The following TFG variants were observed in gnomAD, a reference collection of about 807,000 sequenced individuals.
TFG encodes protein TFG.
TFG carries 22 observed loss-of-function variants against 51.4 expected under a neutral mutation model. The ratio of observed to expected loss-of-function variants is 0.43; its 90% CI spans 0.31 to 0.61. TFG has a LOEUF of 0.61. Ranked by LOEUF, TFG falls within the 20% of genes least tolerant of loss-of-function variation. The probability of loss-of-function intolerance (pLI) is 0.12; values close to 1 mark genes in which losing one functional copy is unlikely to be tolerated. For synonymous variants in TFG, 187 were observed against 165.6 expected (o/e 1.13, Z -0.99); for missense variants, 419 against 487.7 (o/e 0.86, Z 1.33).
rs577420420 is a variant in TFG at position 100,720,750 on chromosome 3, T to G, written c.268+692T>G. Among the ~76,000 whole-genome samples the G allele has an allele frequency of 2.6e-5, 4 of 152,328 alleles. No homozygotes were observed. The South Asian group carries it at 8.3e-4, about 32-fold the overall frequency. On this transcript the variant is annotated intron_variant, in intron 3 of 7. Transcript: ENST00000240851. ...ACTTAAAGATTAAAAATAGTTCTGA[T>G]AAAAACCAATAGAAGACTAATTTTA...
chr3:100,720,015 C>G lies in TFG; in HGVS notation c.225C>G (p.Ser75=), dbSNP rs747353898. The stretch of plus-strand genomic sequence containing the variant: ...CAATTTTTGATAGTTCTGACCTTTC[C>G]TTTGCAATTCAGTGCAGTAGGATAC... ...LITIFDSSDL[S]FAIQCSRILK... is the part of the protein sequence containing the mutation. The change falls in exon 3 of 8, where the codon TCC becomes TCG. Residue 75 remains serine, a synonymous_variant. Coordinates refer to ENST00000240851, the MANE Select transcript of TFG (RefSeq NM_006070.6). The G allele has an allele frequency of 1.8e-5, 28 of 1,575,644 alleles. No individual in the cohort carries two copies. The highest frequency in any genetic ancestry group is 2.4e-5 in the Non-Finnish European group (28 of 1,164,140).
intron 6 of TFG, chr3:100,743,435 G>A (rs1447037802): frequency 6.6e-6 from 1 of 152,058 alleles, no homozygotes; most frequent in Non-Finnish European, 1.5e-5. Flanking sequence ...GGATTAAGGT[G>A]GCATCTAAAT....
intron 4 of TFG, among the ~76,000 whole-genome samples, chr3:100,730,704 C>T (rs1040189039): frequency 6.6e-6 from 1 of 152,116 alleles, no homozygotes; most frequent in African/African-American, 2.4e-5. Flanking sequence ...TCTATTACAG[C>T]GGTTCTTGGA....
intron 2 of TFG, among the ~76,000 whole-genome samples, chr3:100,714,265 C>T (rs756303367): frequency 6.6e-6 from 1 of 152,080 alleles, no homozygotes; most frequent in South Asian, 2.1e-4. Context: ...TTTGGGAGAC[C>T]GAGGTAGGCG....
intron 4 of TFG, 78 bp downstream of exon 4, chr3:100,728,936 G>T (rs2095083672): frequency 7.9e-7 from 1 of 1,262,640 alleles, no homozygotes; most frequent in East Asian, 2.6e-5. Context: ...TTTTTAAGTA[G>T]GAGAAGGATG....
chr3:100,727,504 A>G (rs1252270912), intron 3 of TFG, among the ~76,000 whole-genome samples: 1 of 152,198 alleles, frequency 6.6e-6, no homozygotes, highest in East Asian at 1.9e-4. Flanking sequence ...ATGTATGTAT[A>G]CTGGCAATGT....
intron 3 of TFG, among the ~76,000 whole-genome samples, chr3:100,723,281 G>C (rs552659872): frequency 4.6e-5 from 7 of 152,144 alleles, no homozygotes; most frequent in African/African-American, 1.7e-4. Flanking sequence ...TGGTGTACAT[G>C]TAAGAGTTAT....
chr3:100,748,306 A>ACAAACTTACACTGCC lies in TFG; in HGVS notation c.986_1000dup (p.Tyr329_Thr333dup). 6.2e-7 allele frequency: 1 copy of ACAAACTTACACTGCC among 1,614,014 alleles called. No homozygotes were observed. Among genetic ancestry groups the ACAAACTTACACTGCC allele is most frequent in the East Asian group, 2.2e-5 (1 of 44,868 alleles). ...AGTACCAGGCGAGCAATTATCCTGCACAAACTTACACTGCCCAAACTTCTC... is the reference window on the plus strand; with the variant it reads ...AGTACCAGGCGAGCAATTATCCTGCACAAACTTACACTGCCCAAACTTACACTGCCCAAACTTCTC... On this transcript the variant is annotated inframe_insertion, in exon 8 of 8. Coordinates refer to ENST00000240851, the MANE Select transcript of TFG (RefSeq NM_006070.6).
Position 100,716,412 on chromosome 3 carries a change from A to G in TFG, c.184+2543A>G, listed in dbSNP as rs529276198. ...CTGAATTGTATTCCATTGTGTATATATACCATATTTTCTTTATCAGTTAAT... is the reference window on the plus strand; with the variant it reads ...CTGAATTGTATTCCATTGTGTATATGTACCATATTTTCTTTATCAGTTAAT... On this transcript the variant is annotated intron_variant, in intron 2 of 7. Transcript: ENST00000240851. 2.0e-4 allele frequency among the ~76,000 whole-genome samples: 31 copies of G among 152,298 alleles called. 1 individual carries two copies. Among genetic ancestry groups the G allele is most frequent in the African/African-American group, 6.3e-4 (26 of 41,582 alleles).
rs568815328 is a variant in TFG, at chr3:100,729,439, A to G, written c.415+581A>G. Among the ~76,000 whole-genome samples, 8 of 152,322 alleles carry G rather than the reference A, an allele frequency of 5.3e-5. 1 individual carries two copies. The South Asian group carries it at 1.4e-3, about 28-fold the overall frequency. On this transcript the variant is annotated intron_variant, in intron 4 of 7. Transcript: ENST00000240851. ...TGTTAAGATAAAGCAAAATGTGTCA[A>G]CATTTGGAACTGACATAATTTTGGG...
intron 2 of TFG, among the ~76,000 whole-genome samples, chr3:100,717,025 GA>G (rs1388229831): frequency 6.6e-6 from 1 of 152,100 alleles, no homozygotes; most frequent in South Asian, 2.1e-4. Context: ...TTGCTGTGCA[GA>G]AAAGTTTTCC....
At chr3:100,722,396 A>G (rs2095063419) in intron 3 of TFG, among the ~76,000 whole-genome samples, 2 of 152,220 alleles carry the variant, frequency 1.3e-5, no homozygotes, top group Admixed American at 1.3e-4. Flanking sequence ...GAAGTTGAAA[A>G]TGAGAACATC....
At chr3:100,726,635 A>T (rs2095076683) in intron 3 of TFG, among the ~76,000 whole-genome samples, 1 of 152,260 alleles carries the variant, frequency 6.6e-6, no homozygotes, top group South Asian at 2.1e-4. Context: ...AAGTTCTGGT[A>T]AGATGTATCA....
At chr3:100,746,324 T>C (rs1050676281) in intron 7 of TFG, among the ~76,000 whole-genome samples, 2 of 152,142 alleles carry the variant, frequency 1.3e-5, no homozygotes, top group Non-Finnish European at 2.9e-5. Context: ...GGTGTGGGAC[T>C]CAGGCGTTTG....
chr3:100,717,978 G>A (rs1378093495), intron 2 of TFG, among the ~76,000 whole-genome samples: 5 of 152,046 alleles, frequency 3.3e-5, no homozygotes, highest in East Asian at 3.9e-4. Flanking sequence ...AAGCTGGAGC[G>A]CAGTGGTGTG....
At chr3:100,739,756 A>C (rs544345933) in intron 6 of TFG, among the ~76,000 whole-genome samples, 1 of 152,276 alleles carries the variant, frequency 6.6e-6, no homozygotes, top group Admixed American at 6.5e-5. Flanking sequence ...GGAGTAGTTT[A>C]AATCAAATTA....
chr3:100,714,086 G>A (rs766837297), intron 2 of TFG, among the ~76,000 whole-genome samples: 1 of 151,802 alleles, frequency 6.6e-6, no homozygotes, highest in Non-Finnish European at 1.5e-5. Context: ...TATTGTATGT[G>A]TTATTTTGCC....
At chr3:100,724,006 A>G (rs1210304854) in intron 3 of TFG, among the ~76,000 whole-genome samples, 2 of 152,166 alleles carry the variant, frequency 1.3e-5, no homozygotes, top group African/African-American at 4.8e-5. Flanking sequence ...TTTGGAGACA[A>G]AATATGGTTT....
At chr3:100,723,485 C>G (rs2095066441) in intron 3 of TFG, among the ~76,000 whole-genome samples, 1 of 151,986 alleles carries the variant, frequency 6.6e-6, no homozygotes, top group African/African-American at 2.4e-5. Context: ...TAAAAAAAAT[C>G]CAGTTCCATG....
Sources: allele counts gnomAD v4.1 joint callset (sites outside exome capture counted in the v4.1 genomes callset), GRCh38; gene constraint gnomAD v4.1.1; transcripts MANE v1.5; gene names NCBI Gene and HGNC (gene_info 2026-07-23, HGNC 2026-07-21).